The following ZFC3H1 variants were observed in gnomAD, a reference collection of about 807,000 sequenced individuals.
ZFC3H1 encodes zinc finger C3H1 domain-containing protein.
Under a neutral mutation model 243.7 loss-of-function variants are expected in ZFC3H1, and 71 were observed. The observed-to-expected ratio is 0.29, with a 90% CI of 0.24 to 0.36. ZFC3H1 has a LOEUF of 0.36. Ranked by LOEUF, ZFC3H1 falls within the 10% of genes least tolerant of loss-of-function variation. ZFC3H1 has a pLI of 1.00. For missense variants in ZFC3H1, 1,966 were observed against 2,317.1 expected (o/e 0.85, Z 3.11); for synonymous variants, 838 against 813.0 (o/e 1.03, Z -0.52).
At chr12:71,621,996 C>G (rs1388369504) in intron 24 of ZFC3H1, among the ~76,000 whole-genome samples, 1 of 152,194 alleles carries the variant, frequency 6.6e-6, no homozygotes, top group Non-Finnish European at 1.5e-5. Flanking sequence ...CAGTCTACCA[C>G]ATTTTCAAGA....
At position 71,663,196 on chromosome 12, in the gene ZFC3H1, G is replaced by A. The variant is rs376297419; in HGVS notation, c.415C>T (p.Leu139Phe). The change falls in exon 1 of 35, where the codon CTC becomes TTC. Residue 139 changes from leucine to phenylalanine, a missense_variant. Coordinates refer to ENST00000378743, the MANE Select transcript of ZFC3H1 (RefSeq NM_144982.5). Reference sequence around the variant, plus strand: ...CGAAAGCGGAAACGGTCCAAGGCGAGGTGGCTCCGCTCCCAGAAAGACGGC... The same window carrying A: ...CGAAAGCGGAAACGGTCCAAGGCGAAGTGGCTCCGCTCCCAGAAAGACGGC... ...PRPSFWERSHLALDRFRFRGR... is the reference protein window; with the variant it reads ...PRPSFWERSHFALDRFRFRGR... The A allele has an allele frequency of 3.1e-6, 5 of 1,613,980 alleles. No homozygotes were observed. Among genetic ancestry groups the A allele is most frequent in the Non-Finnish European group, 4.2e-6 (5 of 1,180,038 alleles).
chr12:71,614,564 A>C lies in ZFC3H1; in HGVS notation c.5497T>G (p.Tyr1833Asp). The C allele has an allele frequency of 6.2e-7, 1 of 1,608,820 alleles. No individual in the cohort carries two copies. The highest frequency in any genetic ancestry group is 8.5e-7 in the Non-Finnish European group (1 of 1,177,910). The stretch of plus-strand genomic sequence containing the variant: ...TTATGAAATTCATAGTTGGACCAGT[A>C]ATCAGCACTGCTAAAAGGAATGGGG... ...RYPIPFSSAD[Y>D]WSNYEFHNRV... Residue 1833 changes from tyrosine (Y) to aspartate (D), a missense_variant, in exon 30 of 35, where the codon TAC becomes GAC. Physicochemically the swap from Tyr to Asp is radical, Grantham distance 160. Coordinates refer to ENST00000378743, the MANE Select transcript of ZFC3H1 (RefSeq NM_144982.5).
chr12:71,659,960 T>C (rs1264372955), intron 1 of ZFC3H1, among the ~76,000 whole-genome samples: 1 of 152,218 alleles, frequency 6.6e-6, no homozygotes, highest in African/African-American at 2.4e-5. Context: ...TGACAAAGTG[T>C]CTATCATTAA....
chr12:71,663,440 A>C lies in ZFC3H1; in HGVS notation c.171T>G (p.Pro57=). The C allele has an allele frequency of 6.2e-7, 1 of 1,612,102 alleles. No individual in the cohort carries two copies. The highest frequency in any genetic ancestry group is 8.5e-7 in the Non-Finnish European group (1 of 1,180,018). Residue 57 remains proline (P), a synonymous_variant, in exon 1 of 35, where the codon CCT becomes CCG. Transcript: ENST00000378743. ...ATCCACCGCCCCGGGCCGAGTGAGG[A>C]GGCCTTCGCCGCGGATAGGGTAACA... The part of the protein sequence containing the change: ...GGLLPYPRRR[P]PHSARGGGSG...
chr12:71,626,523 C>A, intron 21 of ZFC3H1, 77 bp from the exon 22 acceptor site: 3 of 1,262,590 alleles, frequency 2.4e-6, no homozygotes, highest in South Asian at 3.9e-5. Flanking sequence ...TCCAATGAGT[C>A]AATTTTAAAA....
intron 1 of ZFC3H1, among the ~76,000 whole-genome samples, chr12:71,661,899 T>C (rs1254693993): frequency 1.3e-5 from 2 of 152,222 alleles, no homozygotes; most frequent in African/African-American, 4.8e-5. Flanking sequence ...AAATGTACAT[T>C]CCTTGCCCCT....
intron 30 of ZFC3H1, among the ~76,000 whole-genome samples, chr12:71,614,095 T>C (rs1289185398): frequency 1.3e-5 from 2 of 152,174 alleles, no homozygotes; most frequent in Non-Finnish European, 2.9e-5. Flanking sequence ...TGTATAGCTA[T>C]ATTTGCTTGA....
chr12:71,632,373 G>A lies in ZFC3H1; in HGVS notation c.2959C>T (p.Arg987Cys), dbSNP rs765098380. The A allele has an allele frequency of 6.8e-6, 11 of 1,613,388 alleles. No individual in the cohort carries two copies. The highest frequency in any genetic ancestry group is 1.7e-5 in the Admixed American group (1 of 59,936). ...ALKIQKLKEA[R>C]ALKAKEQQNI... ...TGTTGTTCCTTTGCTTTAAGGGCAC[G>A]GGCTTCTTTTAATTTTTGAATTTTC... Residue 987 changes from arginine to cysteine, a missense_variant, in exon 15 of 35, where the codon CGT (arginine) becomes TGT (cysteine). Physicochemically the swap from Arg to Cys is radical, Grantham distance 180 (BLOSUM62 -3). Around this residue, in one of 4 missense-constraint regions of ZFC3H1, gnomAD observed 1,383 missense variants for 1,723.7 expected, o/e 0.80. Coordinates refer to ENST00000378743, the MANE Select transcript of ZFC3H1 (RefSeq NM_144982.5).
At chr12:71,657,332 A>G (rs1325468607) in intron 1 of ZFC3H1, 31 bp from the exon 2 acceptor site, 3 of 1,418,922 alleles carry the variant, frequency 2.1e-6, no homozygotes, top group African/African-American at 1.4e-5. Flanking sequence ...ACCAGTTTCC[A>G]AAAATTTTCC....
intron 27 of ZFC3H1, 79 bp downstream of exon 27, chr12:71,619,225 AAATGTCATCAT>A: frequency 2.5e-6 from 3 of 1,192,442 alleles, no homozygotes; most frequent in Non-Finnish European, 3.5e-6. Flanking sequence ...AGTCAGTCTA[AAATGTCATCAT>A]ATAAGAAAAA....
intron 22 of ZFC3H1, among the ~76,000 whole-genome samples, chr12:71,625,611 G>A (rs901430023): frequency 6.6e-6 from 1 of 152,092 alleles, no homozygotes; most frequent in African/African-American, 2.4e-5. Context: ...GAGGACTTGG[G>A]TCCAGGAGGT....
chr12:71,628,882 T>G, intron 20 of ZFC3H1, 36 bp downstream of exon 20: 1 of 1,556,380 alleles, frequency 6.4e-7, no homozygotes, highest in Non-Finnish European at 8.7e-7. Flanking sequence ...CACCACAATT[T>G]AATAATTCTG....
chr12:71,632,382 T>C lies in ZFC3H1; in HGVS notation c.2950A>G (p.Lys984Glu). ...TTTGCTTTAAGGGCACGGGCTTCTT[T>C]TAATTTTTGAATTTTCAGGGCATAT... ...YEYALKIQKL[K>E]EARALKAKEQ... The change falls in exon 15 of 35, where the codon AAA (lysine) becomes GAA (glutamate). Residue 984 changes from lysine to glutamate, a missense_variant. Lys to Glu is a moderately conservative substitution (Grantham distance 56, BLOSUM62 1). Around this residue, in one of 4 missense-constraint regions of ZFC3H1, gnomAD observed 1,383 missense variants for 1,723.7 expected, o/e 0.80. Coordinates refer to ENST00000378743, the MANE Select transcript of ZFC3H1 (RefSeq NM_144982.5). The C allele has an allele frequency of 6.2e-7, 1 of 1,613,504 alleles. No individual in the cohort carries two copies. Among genetic ancestry groups the C allele is most frequent in the African/African-American group, 1.3e-5 (1 of 74,966 alleles).
intron 5 of ZFC3H1, among the ~76,000 whole-genome samples, chr12:71,643,682 C>T (rs1209363632): frequency 2.0e-5 from 3 of 152,078 alleles, no homozygotes; most frequent in African/African-American, 7.2e-5. Flanking sequence ...GCCACATGCA[C>T]TAAGGTTATT....
chr12:71,662,929 G>A (rs925087958), intron 1 of ZFC3H1, 84 bp downstream of exon 1: 36 of 1,353,652 alleles, frequency 2.7e-5, no homozygotes, highest in Non-Finnish European at 3.4e-5. Flanking sequence ...ATGATTCAAA[G>A]TTACACTCGT....
In ZFC3H1 at chr12:71,624,272, G is replaced by T. The variant is rs114979774; in HGVS notation, c.4338C>A (p.Thr1446=). The change falls in exon 23 of 35, where the codon ACC becomes ACA. Residue 1446 remains threonine, a synonymous_variant. Transcript: ENST00000378743. ...SFWTFLHLES[T]FEEKDYVCER... is the part of the protein sequence containing the mutation. The stretch of plus-strand genomic sequence containing the variant: ...CACATACGTAATCCTTTTCTTCAAA[G>T]GTACTTTCTAGGTGTAGAAACTGCC... 1,330 of 1,611,424 alleles carry T rather than the reference G, an allele frequency of 8.3e-4. 6 individuals carry two copies. In the African/African-American group the frequency reaches 0.016, roughly 20 times the overall value.
Position 71,632,191 on chromosome 12 carries a change from A to G in ZFC3H1, c.3141T>C (p.Phe1047=), listed in dbSNP as rs748562219. The change falls in exon 15 of 35, where the codon TTT becomes TTC. Residue 1047 remains phenylalanine, a synonymous_variant. Transcript: ENST00000378743. ...SGSSRERRRS[F]LESNYFTKPN... Reference sequence around the variant, plus strand: ...GTTTAGTAAAATAATTGGATTCTAAAAAAGATCTTCTTCGCTCTCTGCTTG... The same window carrying G: ...GTTTAGTAAAATAATTGGATTCTAAGAAAGATCTTCTTCGCTCTCTGCTTG... 1 of 1,604,744 alleles carries G rather than the reference A, an allele frequency of 6.2e-7. No individual in the cohort carries two copies. Among genetic ancestry groups the G allele is most frequent in the African/African-American group, 1.3e-5 (1 of 74,122 alleles).
chr12:71,610,511 C>T lies in ZFC3H1; in HGVS notation c.5887G>A (p.Val1963Ile). ...ACTCCAATCTCTTGGCACTTGGAAA[C>T]TAGTTTTCTCAGGTTATCAGTTTTA... ...GGKTDNLRKLVSKCQEIGVSL... is the reference protein window; with the variant it reads ...GGKTDNLRKLISKCQEIGVSL... Residue 1963 changes from valine to isoleucine, a missense_variant, in exon 35 of 35, where the codon GTT becomes ATT. Val to Ile is a conservative substitution (Grantham distance 29). Transcript: ENST00000378743. The T allele has an allele frequency of 6.2e-7, 1 of 1,613,638 alleles. No individual in the cohort carries two copies. The highest frequency in any genetic ancestry group is 8.5e-7 in the Non-Finnish European group (1 of 1,179,646).
chr12:71,630,773 G>A, intron 17 of ZFC3H1, 50 bp downstream of exon 17: 2 of 1,605,590 alleles, frequency 1.2e-6, no homozygotes, highest in South Asian at 1.1e-5. Context: ...TCAAAGTTAA[G>A]CAAACAAGAC....
Sources: allele counts gnomAD v4.1 joint callset (sites outside exome capture counted in the v4.1 genomes callset), GRCh38; gene constraint gnomAD v4.1.1; regional missense constraint gnomAD v4.1.1; transcripts MANE v1.5; gene names NCBI Gene and HGNC (gene_info 2026-07-23, HGNC 2026-07-21).